Variants in EFR3B observed in about 807,000 individuals in gnomAD.
EFR3B encodes the protein EFR3 homolog B.
In EFR3B, 64 loss-of-function variants were observed where a neutral mutation model predicts 104.7. The ratio of observed to expected loss-of-function variants is 0.61; its 90% CI spans 0.50 to 0.75. The LOEUF (loss-of-function observed/expected upper bound fraction) is 0.75. Among genes scored for constraint, EFR3B ranks in the 30% least tolerant of loss-of-function variants. EFR3B has a pLI of 0.00. For missense variants in EFR3B, 750 were observed against 1,078.5 expected (o/e 0.70, Z 4.27); for synonymous variants, 385 against 417.9 (o/e 0.92, Z 0.96).
chr2:25,128,471 G>C (rs1670227814), intron 6 of EFR3B, 139 bp downstream of exon 6: 2 of 1,131,586 alleles, frequency 1.8e-6, no homozygotes, highest in South Asian at 3.1e-5. Flanking sequence ...TCTGCAGTGA[G>C]TCCAAAGCTG....
intron 4 of EFR3B, among the ~76,000 whole-genome samples, chr2:25,107,192 T>G (rs1669587993): frequency 1.3e-5 from 2 of 152,092 alleles, no homozygotes; most frequent in South Asian, 4.1e-4. Context: ...GGGCCCTTGA[T>G]TCCAAAGTGT....
chr2:25,081,051 CTTCCTA>C (rs1668789365), intron 1 of EFR3B: 1 of 743,008 alleles, frequency 1.3e-6, no homozygotes, highest in Non-Finnish European at 2.5e-6. Context: ...ACCATGTGAA[CTTCCTA>C]TTAATATAGG....
At chr2:25,069,145 T>G (rs1668421118) in intron 1 of EFR3B, among the ~76,000 whole-genome samples, 1 of 151,960 alleles carries the variant, frequency 6.6e-6, no homozygotes, top group African/African-American at 2.4e-5. Context: ...TGACCTCAGG[T>G]GATCCGCCCA....
intron 19 of EFR3B, among the ~76,000 whole-genome samples, chr2:25,148,882 A>G (rs1670923137): frequency 7.7e-6 from 1 of 130,602 alleles, no homozygotes. Context: ...AGATCCCGCC[A>G]CTGCACTCCA....
intron 1 of EFR3B, among the ~76,000 whole-genome samples, chr2:25,090,802 A>T (rs898119136): frequency 2.0e-5 from 3 of 152,196 alleles, no homozygotes; most frequent in African/African-American, 7.2e-5. Context: ...AAGAGCAGGG[A>T]ATAAAGAAAG....
chr2:25,074,320 C>T (rs1441042118), intron 1 of EFR3B, among the ~76,000 whole-genome samples: 2 of 152,276 alleles, frequency 1.3e-5, no homozygotes, highest in African/African-American at 4.8e-5. Context: ...AATCTCAACA[C>T]TTTGGGAGGC....
chr2:25,077,600 A>G (rs1157435563), intron 1 of EFR3B, among the ~76,000 whole-genome samples: 2 of 152,212 alleles, frequency 1.3e-5, no homozygotes, highest in African/African-American at 4.8e-5. Flanking sequence ...AAAGGCCTTC[A>G]GTAAGAAAGT....
At chr2:25,058,856 T>C (rs1373376904) in intron 1 of EFR3B, among the ~76,000 whole-genome samples, 1 of 142,920 alleles carries the variant, frequency 7.0e-6, no homozygotes, top group Non-Finnish European at 1.5e-5. Context: ...TGGGAAAAAA[T>C]GGTGCAGCCA....
rs1667598034 is a variant in EFR3B, at chr2:25,042,436, G to T, written c.7+117G>T. Reference sequence around the variant, plus strand: ...CGCGGGGCCAGGCCGCTGACCTGGTGCCCGGCGGGGCTGTTGCGGTCGCTC... The same window carrying T: ...CGCGGGGCCAGGCCGCTGACCTGGTTCCCGGCGGGGCTGTTGCGGTCGCTC... On this transcript the variant is annotated intron_variant, in intron 1 of 22. Transcript: ENST00000403714. This position sits in a 1 kb window ranked among gnomAD's most constrained non-coding sequence, Gnocchi z 5.4. The T allele has an allele frequency of 1.6e-6, 2 of 1,214,862 alleles. No individual in the cohort carries two copies. The highest frequency in any genetic ancestry group is 2.0e-6 in the Non-Finnish European group (2 of 977,042). 75.3% of individuals were successfully genotyped at this position (1,214,862 alleles called of 1,614,324 possible).
intron 17 of EFR3B, 98 bp from the exon 18 acceptor site, chr2:25,143,637 G>A: frequency 6.9e-7 from 1 of 1,440,034 alleles, no homozygotes; most frequent in Non-Finnish European, 9.4e-7. Context: ...TCCAGCCTGG[G>A]CGACAAGAGC....
At position 25,135,369 on chromosome 2, in the gene EFR3B, G is replaced by A. The variant is rs1558616466; in HGVS notation, c.1312-98G>A. The A allele has an allele frequency of 7.2e-6, 10 of 1,392,422 alleles. No individual in the cohort carries two copies. The South Asian group carries it at 1.2e-4, about 17-fold the overall frequency. The allele number at this position is 1,392,422 out of a possible 1,614,324, so 86.3% of individuals were successfully genotyped here. A position where few individuals can be genotyped will look rare whatever the true frequency, so the allele number is the denominator to read the frequency against. On this transcript the variant is annotated intron_variant, in intron 12 of 22. Transcript: ENST00000403714. The stretch of plus-strand genomic sequence containing the variant: ...ATTGGGCGATGTCTAGAGAGGATGT[G>A]TACATCAGACCTGACTTCCTCTGGC...
intron 5 of EFR3B, among the ~76,000 whole-genome samples, chr2:25,126,921 C>T (rs1380325224): frequency 1.3e-5 from 2 of 151,814 alleles, no homozygotes; most frequent in Non-Finnish European, 2.9e-5. Flanking sequence ...TGGCCAGGCA[C>T]GGTGGCTCAC....
chr2:25,129,366 CGTGGG>C (rs1374358953), intron 6 of EFR3B, among the ~76,000 whole-genome samples: 2 of 28,392 alleles, frequency 7.0e-5, no homozygotes, highest in East Asian at 1.6e-3. Flanking sequence ...TGGGGTGGGG[CGTGGG>C]GTGGGGTGGG....
chr2:25,067,333 A>G (rs760991649), intron 1 of EFR3B, among the ~76,000 whole-genome samples: 3 of 151,944 alleles, frequency 2.0e-5, no homozygotes, highest in Non-Finnish European at 4.4e-5. Context: ...TTTCACGCAC[A>G]TATTTACATA....
At chr2:25,084,947 G>C (rs551907882) in intron 1 of EFR3B, among the ~76,000 whole-genome samples, 2 of 152,284 alleles carry the variant, frequency 1.3e-5, no homozygotes, top group South Asian at 4.1e-4. Flanking sequence ...CTTTAGCTTA[G>C]TGATTTGGGG....
chr2:25,109,497 A>G (rs1669660686), intron 4 of EFR3B, among the ~76,000 whole-genome samples: 1 of 152,242 alleles, frequency 6.6e-6, no homozygotes, highest in Non-Finnish European at 1.5e-5. Context: ...ATGGAATTAT[A>G]TGGCCCAGCA....
At chr2:25,145,324 C>A in intron 19 of EFR3B, 1 of 521,462 alleles carries the variant, frequency 1.9e-6, no homozygotes, top group Non-Finnish European at 3.4e-6. Context: ...GTGATCCCAA[C>A]ATTTTGGAGG....
chr2:25,132,365 A>G (rs1670368879), intron 10 of EFR3B, among the ~76,000 whole-genome samples: 1 of 152,032 alleles, frequency 6.6e-6, no homozygotes, highest in African/African-American at 2.4e-5. Context: ...CTAAGAGAAA[A>G]GAATGAGGAA....
At chr2:25,098,683 A>G (rs1159491746) in intron 3 of EFR3B, among the ~76,000 whole-genome samples, 1 of 152,174 alleles carries the variant, frequency 6.6e-6, no homozygotes, top group Non-Finnish European at 1.5e-5. Context: ...TTCCATCCTT[A>G]CTATTGGGAT....
Sources: allele counts gnomAD v4.1 joint callset (sites outside exome capture counted in the v4.1 genomes callset), GRCh38; gene constraint gnomAD v4.1.1; non-coding constraint Gnocchi (gnomAD v3.1); transcripts MANE v1.5; gene names NCBI Gene and HGNC (gene_info 2026-07-23, HGNC 2026-07-21).